AKT3: variants seen among roughly 807,000 people sequenced by gnomAD.
AKT3 encodes AKT serine/threonine kinase 3.
In AKT3, 15 loss-of-function variants were observed where a neutral mutation model predicts 65.3. The observed-to-expected ratio is 0.23, with a 90% CI of 0.15 to 0.35. The LOEUF (loss-of-function observed/expected upper bound fraction) is 0.35. Ranked by LOEUF, AKT3 falls within the 10% of genes least tolerant of loss-of-function variation. The probability of loss-of-function intolerance (pLI) is 1.00; values close to 1 mark genes in which losing one functional copy is unlikely to be tolerated. For synonymous variants in AKT3, 206 were observed against 183.8 expected (o/e 1.12, Z -0.98); for missense variants, 243 against 576.5 (o/e 0.42, Z 5.92).
At chr1:243,493,093 G>T (rs751659212) in intron 13 of AKT3, among the ~76,000 whole-genome samples, 1 of 152,138 alleles carries the variant, frequency 6.6e-6, no homozygotes, top group Non-Finnish European at 1.5e-5. Context: ...CCCACACTCT[G>T]TATTCCGGGA....
At chr1:243,799,856 ACTAT>A (rs1194854032) in intron 2 of AKT3, among the ~76,000 whole-genome samples, 1 of 152,194 alleles carries the variant, frequency 6.6e-6, no homozygotes, top group African/African-American at 2.4e-5. Flanking sequence ...TCAAAGGAAA[ACTAT>A]CTAGCACTTT....
intron 2 of AKT3, among the ~76,000 whole-genome samples, chr1:243,712,588 A>G (rs1686233141): frequency 6.6e-6 from 1 of 152,154 alleles, no homozygotes; most frequent in Non-Finnish European, 1.5e-5. Flanking sequence ...GGGCGGAAAA[A>G]AGAAAAAAGG....
At chr1:243,725,253 T>C (rs1252476846) in intron 2 of AKT3, among the ~76,000 whole-genome samples, 1 of 151,186 alleles carries the variant, frequency 6.6e-6, no homozygotes. Flanking sequence ...GTAAGAAAAG[T>C]TCTGGAAAGT....
chr1:243,738,035 A>G (rs1687942341), intron 2 of AKT3, among the ~76,000 whole-genome samples: 2 of 152,210 alleles, frequency 1.3e-5, no homozygotes, highest in Admixed American at 1.3e-4. Context: ...AAAACAGAAG[A>G]AAGCAACAAT....
At chr1:243,676,079 A>G (rs1373988677) in intron 3 of AKT3, among the ~76,000 whole-genome samples, 2 of 152,214 alleles carry the variant, frequency 1.3e-5, no homozygotes, top group African/African-American at 4.8e-5. Context: ...ACAATAAACA[A>G]GCAAAACAAT....
chr1:243,602,433 A>T (rs1022824524), intron 8 of AKT3, among the ~76,000 whole-genome samples: 1 of 152,180 alleles, frequency 6.6e-6, no homozygotes, highest in African/African-American at 2.4e-5. Context: ...ATGTTTATAT[A>T]CCTGAAAACT....
intron 2 of AKT3, among the ~76,000 whole-genome samples, chr1:243,776,849 G>T (rs1690584703): frequency 6.6e-6 from 1 of 152,162 alleles, no homozygotes; most frequent in African/African-American, 2.4e-5. Flanking sequence ...AAGATAAGGT[G>T]CCCTTAAGGA....
At chr1:243,795,926 A>G (rs1334828880) in intron 2 of AKT3, among the ~76,000 whole-genome samples, 1 of 152,136 alleles carries the variant, frequency 6.6e-6, no homozygotes, top group Non-Finnish European at 1.5e-5. Flanking sequence ...CATAGGGAGA[A>G]AATCGTAGGG....
intron 2 of AKT3, among the ~76,000 whole-genome samples, chr1:243,710,156 T>C (rs778590010): frequency 7.1e-4 from 108 of 152,274 alleles, no homozygotes; most frequent in Non-Finnish European, 7.1e-4. Context: ...ACATTAAAGC[T>C]AGAAGTTTCT....
At chr1:243,738,948 C>A (rs1687991300) in intron 2 of AKT3, among the ~76,000 whole-genome samples, 1 of 152,074 alleles carries the variant, frequency 6.6e-6, no homozygotes, top group Non-Finnish European at 1.5e-5. Context: ...TATTTTTGTG[C>A]TTGGAGGCTC....
chr1:243,516,252 C>T (rs1453200609), intron 12 of AKT3, among the ~76,000 whole-genome samples: 1 of 152,160 alleles, frequency 6.6e-6, no homozygotes, highest in Non-Finnish European at 1.5e-5. Flanking sequence ...ACATATGTGT[C>T]CATTTCAGCT....
intron 6 of AKT3, among the ~76,000 whole-genome samples, chr1:243,619,314 A>C (rs1281942315): frequency 6.6e-6 from 1 of 152,152 alleles, no homozygotes; most frequent in Non-Finnish European, 1.5e-5. Flanking sequence ...AATTAGGGTA[A>C]TGGGGATATT....
chr1:243,766,736 C>T (rs953231199), intron 2 of AKT3, among the ~76,000 whole-genome samples: 1 of 151,966 alleles, frequency 6.6e-6, no homozygotes, highest in Non-Finnish European at 1.5e-5. Flanking sequence ...AGAAAAGTTT[C>T]CTAGAAGAAG....
intron 5 of AKT3, among the ~76,000 whole-genome samples, chr1:243,639,834 G>A (rs1196187498): frequency 6.6e-6 from 1 of 152,156 alleles, no homozygotes; most frequent in African/African-American, 2.4e-5. Flanking sequence ...TAATAAACTT[G>A]CTTTCACTTT....
intron 8 of AKT3, among the ~76,000 whole-genome samples, chr1:243,574,320 C>G (rs1015458748): frequency 7.2e-6 from 1 of 138,874 alleles, no homozygotes; most frequent in Admixed American, 7.5e-5. Context: ...GCATAGTAAA[C>G]AGAGAGAGAG....
chr1:243,662,214 C>G (rs1309619087), intron 4 of AKT3, among the ~76,000 whole-genome samples: 1 of 151,954 alleles, frequency 6.6e-6, no homozygotes, highest in Non-Finnish European at 1.5e-5. Flanking sequence ...GGGTATATAC[C>G]CAAAGGACTA....
At chr1:243,777,883 G>C (rs1473756475) in intron 2 of AKT3, among the ~76,000 whole-genome samples, 1 of 152,064 alleles carries the variant, frequency 6.6e-6, no homozygotes, top group Non-Finnish European at 1.5e-5. Context: ...TGGAATGTTA[G>C]ACCTCTCACA....
At chr1:243,519,420 G>A (rs1480256390) in intron 12 of AKT3, among the ~76,000 whole-genome samples, 1 of 152,190 alleles carries the variant, frequency 6.6e-6, no homozygotes, top group Admixed American at 6.5e-5. Context: ...GTATAATCCT[G>A]AAGATAAAGC....
At chr1:243,625,843 T>C (rs1023898974) in intron 6 of AKT3, among the ~76,000 whole-genome samples, 3 of 152,194 alleles carry the variant, frequency 2.0e-5, no homozygotes, top group Non-Finnish European at 4.4e-5. Context: ...TGAACAATCA[T>C]GGATTGTTGT....
Sources: allele counts gnomAD v4.1 joint callset (sites outside exome capture counted in the v4.1 genomes callset), GRCh38; gene constraint gnomAD v4.1.1; transcripts MANE v1.5; gene names NCBI Gene and HGNC (gene_info 2026-07-23, HGNC 2026-07-21).